The following SLC12A8 variants were observed in gnomAD, a reference collection of about 807,000 sequenced individuals.
SLC12A8 encodes the protein cation-chloride cotransporter 9.
A neutral mutation model predicts 75.6 loss-of-function variants in SLC12A8; 69 were observed. The ratio of observed to expected loss-of-function variants is 0.91; its 90% CI spans 0.75 to 1.11. SLC12A8 has a LOEUF of 1.11. Ranked by LOEUF, SLC12A8 falls within the 50% of genes most tolerant of loss-of-function variation. The pLI, the probability that SLC12A8 is intolerant of heterozygous loss-of-function variation, is 0.00. For missense variants in SLC12A8, 877 were observed against 896.7 expected (o/e 0.98, Z 0.28); for synonymous variants, 365 against 372.8 (o/e 0.98, Z 0.24).
At chr3:125,124,674 T>G (rs1579487851) in intron 6 of SLC12A8, among the ~76,000 whole-genome samples, 1 of 152,170 alleles carries the variant, frequency 6.6e-6, no homozygotes, top group South Asian at 2.1e-4. Context: ...ATTTCCAAAA[T>G]TCTACCTCTG....
chr3:125,197,282 A>G (rs530533050), intron 2 of SLC12A8, among the ~76,000 whole-genome samples: 2 of 99,420 alleles, frequency 2.0e-5, no homozygotes, highest in East Asian at 6.1e-4. Flanking sequence ...ACAGACATAA[A>G]TAAATTAATT....
intron 8 of SLC12A8, among the ~76,000 whole-genome samples, chr3:125,116,712 C>T (rs1939320285): frequency 6.6e-6 from 1 of 152,158 alleles, no homozygotes; most frequent in Non-Finnish European, 1.5e-5. Context: ...AGATCAGAGT[C>T]CCTAAAGGGT....
At position 125,093,744 on chromosome 3, in the gene SLC12A8, G is replaced by C. The variant is rs191232592; in HGVS notation, c.1706-1546C>G. On this transcript the variant is annotated intron_variant, in intron 10 of 13. Transcript: ENST00000469902. Reference sequence around the variant, plus strand: ...GGGTCCACATCCATCTTGAGCCTAGGGCTTGGCATGTAGCAGAACTCACTA... The same window carrying C: ...GGGTCCACATCCATCTTGAGCCTAGCGCTTGGCATGTAGCAGAACTCACTA... Among the ~76,000 whole-genome samples, 383 of 152,218 alleles carry C rather than the reference G, an allele frequency of 2.5e-3. 1 individual carries two copies. The highest frequency in any genetic ancestry group is 6.2e-3 in the South Asian group (30 of 4,830).
chr3:125,088,469 C>G, intron 12 of SLC12A8, 99 bp from the exon 13 acceptor site: 1 of 902,302 alleles, frequency 1.1e-6, no homozygotes, highest in Non-Finnish European at 1.8e-6. Context: ...AATACACACA[C>G]ACGCACAGAA....
intron 10 of SLC12A8, among the ~76,000 whole-genome samples, chr3:125,096,230 A>G (rs143674269): frequency 6.6e-6 from 1 of 152,330 alleles, no homozygotes; most frequent in African/African-American, 2.4e-5. Context: ...CCATTAAAAT[A>G]TCATCTTCCC....
At chr3:125,151,464 AT>A (rs1933920730) in intron 5 of SLC12A8, 1 of 154,208 alleles carries the variant, frequency 6.5e-6, no homozygotes, top group Non-Finnish European at 1.5e-5. Context: ...AAGGTGGAGA[AT>A]CCCAAATCAG....
At chr3:125,120,989 A>C (rs1933044596) in intron 6 of SLC12A8, 6 of 664,308 alleles carry the variant, frequency 9.0e-6, no homozygotes, top group Middle Eastern at 3.9e-4. Flanking sequence ...CTTGCAAGGC[A>C]CACAGAGGTC....
intron 1 of SLC12A8, among the ~76,000 whole-genome samples, 192 bp downstream of exon 1, chr3:125,212,508 C>A (rs549303045): frequency 1.6e-4 from 25 of 152,290 alleles, no homozygotes; most frequent in African/African-American, 6.0e-4. Flanking sequence ...CCCACGCAGA[C>A]GCGGACCCGC....
intron 5 of SLC12A8, among the ~76,000 whole-genome samples, chr3:125,163,813 G>A (rs944946679): frequency 2.0e-5 from 3 of 152,206 alleles, no homozygotes; most frequent in African/African-American, 7.2e-5. Flanking sequence ...GGCCAAGGAT[G>A]CAGAGGGCTG....
At chr3:125,162,060 G>T (rs1003905351) in intron 5 of SLC12A8, among the ~76,000 whole-genome samples, 3 of 152,180 alleles carry the variant, frequency 2.0e-5, no homozygotes, top group Non-Finnish European at 2.9e-5. Flanking sequence ...GAATACCTGC[G>T]AACTGCTGCC....
At chr3:125,142,927 C>T (rs964954940) in intron 5 of SLC12A8, among the ~76,000 whole-genome samples, 2 of 152,242 alleles carry the variant, frequency 1.3e-5, no homozygotes, top group African/African-American at 4.8e-5. Flanking sequence ...TTCCCTGACT[C>T]TGTGATTGTT....
intron 8 of SLC12A8, among the ~76,000 whole-genome samples, chr3:125,111,877 G>A (rs560302213): frequency 1.3e-5 from 2 of 152,374 alleles, no homozygotes; most frequent in South Asian, 4.1e-4. Context: ...ATGAGGCTCA[G>A]AAAAGGGCAG....
At chr3:125,211,496 G>A in intron 1 of SLC12A8, 102 bp from the exon 2 acceptor site, 1 of 733,362 alleles carries the variant, frequency 1.4e-6, no homozygotes, top group East Asian at 2.5e-5. Flanking sequence ...ACCAGGCGAG[G>A]CCCTGGCTGA....
chr3:125,160,853 G>A (rs1560071988), intron 5 of SLC12A8, among the ~76,000 whole-genome samples: 3 of 145,430 alleles, frequency 2.1e-5, no homozygotes, highest in Admixed American at 6.6e-5. Flanking sequence ...GGGGGCACAG[G>A]GCACAGCCAG....
intron 2 of SLC12A8, among the ~76,000 whole-genome samples, chr3:125,208,791 C>G (rs686465): frequency 0.27 from 22,201 of 81,502 alleles, 3,012 homozygotes; most frequent in African/African-American, 0.4. Context: ...CACACACACA[C>G]AGAGAGAGAG....
intron 13 of SLC12A8, among the ~76,000 whole-genome samples, chr3:125,085,003 T>C (rs985492532): frequency 2.0e-5 from 3 of 152,256 alleles, no homozygotes; most frequent in Non-Finnish European, 4.4e-5. Flanking sequence ...GTTATTGATC[T>C]GTGGAACTTA....
chr3:125,167,840 T>C (rs1934324772), intron 5 of SLC12A8, among the ~76,000 whole-genome samples: 1 of 152,238 alleles, frequency 6.6e-6, no homozygotes. Context: ...AAACACGTTT[T>C]GCGGAGAATT....
chr3:125,095,890 G>T (rs1938699402), intron 10 of SLC12A8, among the ~76,000 whole-genome samples: 1 of 152,016 alleles, frequency 6.6e-6, no homozygotes. Context: ...CTCCAAATTG[G>T]CCTTGGCTCT....
At chr3:125,138,834 C>A (rs911317033) in intron 5 of SLC12A8, among the ~76,000 whole-genome samples, 5 of 143,452 alleles carry the variant, frequency 3.5e-5, no homozygotes, top group Admixed American at 2.2e-4. Context: ...ACAGAAAGAC[C>A]CCTTCTACAA....
Sources: gnomAD v4.1 joint callset for allele counts (sites outside exome capture counted in the v4.1 genomes callset) on GRCh38, gnomAD v4.1.1 for gene constraint, MANE v1.5 for transcripts, NCBI Gene and HGNC (gene_info 2026-07-23, HGNC 2026-07-21) for gene names.